Variants in TLCD2 observed in about 807,000 individuals in gnomAD.
TLCD2 encodes the protein TLC domain-containing protein 2.
In TLCD2, 12 loss-of-function variants were observed where a neutral mutation model predicts 14.0. The ratio of observed to expected loss-of-function variants is 0.86; its 90% CI spans 0.55 to 1.39. TLCD2 has a LOEUF of 1.39. TLCD2 is among the 40% of genes most tolerant of loss of function. The pLI, the probability that TLCD2 is intolerant of heterozygous loss-of-function variation, is 0.00. For synonymous variants in TLCD2, 166 were observed against 156.5 expected (o/e 1.06, Z -0.45); for missense variants, 360 against 346.8 (o/e 1.04, Z -0.30).
In TLCD2 at chr17:1,708,187, G is replaced by A. The variant is rs1255173671; in HGVS notation, c.378C>T (p.Gly126=). 68 of 1,535,720 alleles carry A rather than the reference G, an allele frequency of 4.4e-5. No individual in the cohort carries two copies. The highest frequency in any genetic ancestry group is 4.2e-4 in the South Asian group (35 of 83,976). Residue 126 remains glycine, a synonymous_variant, in exon 4 of 4, where the codon GGC becomes GGT. Coordinates refer to ENST00000330676, the MANE Select transcript of TLCD2 (RefSeq NM_001164407.2). ...ACACCATGGAGAAGCCCACGTAGTGGCCAGACAGAACAGCGGTGCTGAGGC... is the reference window on the plus strand; with the variant it reads ...ACACCATGGAGAAGCCCACGTAGTGACCAGACAGAACAGCGGTGCTGAGGC... The part of the protein sequence containing the change: ...VSCLSTAVLS[G]HYVGFSMVSL...
At position 1,710,250 on chromosome 17, in the gene TLCD2, C is replaced by T. The variant is rs1914186420; in HGVS notation, c.-8G>A. The T allele has an allele frequency of 2.0e-6, 3 of 1,517,272 alleles. No individual in the cohort carries two copies. The highest frequency in any genetic ancestry group is 2.6e-5 in the East Asian group (1 of 39,206). 94.0% of individuals were successfully genotyped at this position (1,517,272 alleles called of 1,614,324 possible). A position where few individuals can be genotyped will look rare whatever the true frequency, so the allele number is the denominator to read the frequency against. On this transcript the variant is annotated 5_prime_UTR_variant, in exon 1 of 4. Coordinates refer to ENST00000330676, the MANE Select transcript of TLCD2 (RefSeq NM_001164407.2). This position sits in a 1 kb window ranked among gnomAD's most constrained non-coding sequence, Gnocchi z 6.1. Reference sequence around the variant, plus strand: ...GAGCCCCGTGGGCGCCATGGCCTGGCGGTTGGGGGGTTGCGGGGAGTCCGG... The same window carrying T: ...GAGCCCCGTGGGCGCCATGGCCTGGTGGTTGGGGGGTTGCGGGGAGTCCGG...
In TLCD2 at chr17:1,705,031, CCTT is replaced by C. The variant is rs1261620142; in HGVS notation, c.*2736_*2738del. 2 of 152,100 alleles carry C rather than the reference CCTT, an allele frequency of 1.3e-5. No homozygotes were observed. The highest frequency in any genetic ancestry group is 2.1e-4 in the South Asian group (1 of 4,824). The allele number at this position is 152,100 out of a possible 1,614,324, so 9.4% of individuals were successfully genotyped here. ...TATTTAAATTGTTCTGTGCTCTCCT[CCTT>C]TTTTTTCTCTCTGTGATTCTCTTTG... On this transcript the variant is annotated 3_prime_UTR_variant, in exon 4 of 4. Coordinates refer to ENST00000330676, the MANE Select transcript of TLCD2 (RefSeq NM_001164407.2).
chr17:1,707,849 T>TCATGG lies in TLCD2; in HGVS notation c.711_715dup (p.Glu239AlafsTer26). On this transcript the variant is annotated frameshift_variant, in exon 4 of 4. Coordinates refer to ENST00000330676, the MANE Select transcript of TLCD2 (RefSeq NM_001164407.2). LOFTEE classifies it low-confidence loss of function (END_TRUNC). ...ACGTGTCCTGGTCCCCCTGGTTTTC[T>TCATGG]CATGGCCAGGGCTGGGTGGATGGGG... 2.0e-6 allele frequency: 3 copies of TCATGG among 1,536,352 alleles called. No individual in the cohort carries two copies. Among genetic ancestry groups the TCATGG allele is most frequent in the Non-Finnish European group, 2.6e-6 (3 of 1,146,414 alleles).
intron 3 of TLCD2, 98 bp from the exon 4 acceptor site, chr17:1,708,320 T>C (rs1743093096): frequency 1.1e-6 from 1 of 945,426 alleles, no homozygotes; most frequent in Admixed American, 2.9e-5. Flanking sequence ...ACGCAGTCTG[T>C]GGGGCTCCCC....
Position 1,707,834 on chromosome 17 carries a change from G to C in TLCD2, c.731C>G (p.Thr244Ser). The change falls in exon 4 of 4, where the codon ACC becomes AGC. Residue 244 changes from threonine to serine, a missense_variant. By Grantham distance (58) the Thr-to-Ser change is moderately conservative. Coordinates refer to ENST00000330676, the MANE Select transcript of TLCD2 (RefSeq NM_001164407.2). The part of the protein sequence containing the change: ...PSPGHEKTRG[T>S]RTRRDNGPVT... ...AGGTCCATTGTCACGACGTGTCCTG[G>C]TCCCCCTGGTTTTCTCATGGCCAGG... The C allele has an allele frequency of 6.5e-7, 1 of 1,534,468 alleles. No individual in the cohort carries two copies. The highest frequency in any genetic ancestry group is 1.4e-5 in the African/African-American group (1 of 73,116).
chr17:1,710,065 AC>A lies in TLCD2; in HGVS notation c.176+1del. The A allele has an allele frequency of 6.5e-7, 1 of 1,532,268 alleles. No homozygotes were observed. The highest frequency in any genetic ancestry group is 8.7e-7 in the Non-Finnish European group (1 of 1,146,032). The allele number at this position is 1,532,268 out of a possible 1,614,324, so 94.9% of individuals were successfully genotyped here. ...GTGCGCCTCGAGCCCCCAAGCCCGC[AC>A]CCGAGCAGCGCCCCGGTCCCCGAGA... On this transcript the variant is annotated splice_donor_variant, in intron 1 of 3. Transcript: ENST00000330676. LOFTEE classifies it high-confidence loss of function. The surrounding 1 kb of genome is among the most constrained non-coding windows in gnomAD (Gnocchi z 6.1).
In TLCD2 at chr17:1,709,593, G is replaced by A; in HGVS notation, c.260-12C>T. The stretch of plus-strand genomic sequence containing the variant: ...TGCCAGGAAGTAACCTGTGGGCATG[G>A]GGGTAGGGGTTAGGCTGCTCCAGAG... On this transcript the variant is annotated splice_polypyrimidine_tract_variant and intron_variant, in intron 2 of 3. Transcript: ENST00000330676. 6.5e-7 allele frequency: 1 copy of A among 1,536,690 alleles called. No individual in the cohort carries two copies. The highest frequency in any genetic ancestry group is 2.4e-5 in the East Asian group (1 of 40,906).
At chr17:1,708,274 T>C (rs770698056) in intron 3 of TLCD2, 52 bp from the exon 4 acceptor site, 33 of 1,392,654 alleles carry the variant, frequency 2.4e-5, no homozygotes, top group African/African-American at 4.3e-5. Context: ...CCAGCCATCA[T>C]GTCCCAATAA....
At position 1,707,345 on chromosome 17, in the gene TLCD2, T is replaced by A. The variant is rs558128148; in HGVS notation, c.*425A>T. 4 of 171,452 alleles carry A rather than the reference T, an allele frequency of 2.3e-5. No individual in the cohort carries two copies. Among genetic ancestry groups the A allele is most frequent in the Non-Finnish European group, 4.9e-5 (4 of 81,300 alleles). The allele number at this position is 171,452 out of a possible 1,614,324, so 10.6% of individuals were successfully genotyped here. A position where few individuals can be genotyped will look rare whatever the true frequency, so the allele number is the denominator to read the frequency against. ...TGCCAGAATTTGGTTATAGGTGAGA[T>A]CTCTTTTCTCTCTGTCCCCACCCGC... On this transcript the variant is annotated 3_prime_UTR_variant, in exon 4 of 4. Coordinates refer to ENST00000330676, the MANE Select transcript of TLCD2 (RefSeq NM_001164407.2).
At chr17:1,708,541 C>T (rs1431040726) in intron 3 of TLCD2, among the ~76,000 whole-genome samples, 5 of 132,162 alleles carry the variant, frequency 3.8e-5, no homozygotes, top group Admixed American at 1.8e-4. Context: ...GGCTGGAGTG[C>T]AGTGGTGTGA....
In TLCD2 at chr17:1,704,459, C is replaced by G. The variant is rs1043369429; in HGVS notation, c.*3311G>C. 6.6e-6 allele frequency: 1 copy of G among 151,974 alleles called. No individual in the cohort carries two copies. Among genetic ancestry groups the G allele is most frequent in the Non-Finnish European group, 1.5e-5 (1 of 68,006 alleles). 9.4% of individuals were successfully genotyped at this position (151,974 alleles called of 1,614,324 possible). ...AATTCTGCATTGTTTCTCTAGCTCACTATCTATACCTTTGCCTCTTGGGTT... is the reference window on the plus strand; with the variant it reads ...AATTCTGCATTGTTTCTCTAGCTCAGTATCTATACCTTTGCCTCTTGGGTT... On this transcript the variant is annotated 3_prime_UTR_variant, in exon 4 of 4. Transcript: ENST00000330676.
At position 1,703,958 on chromosome 17, in the gene TLCD2, C is replaced by T. The variant is rs1285399337; in HGVS notation, c.*3812G>A. 7 of 150,518 alleles carry T rather than the reference C, an allele frequency of 4.7e-5. No homozygotes were observed. The highest frequency in any genetic ancestry group is 1.0e-4 in the Non-Finnish European group (7 of 67,830). 9.3% of individuals were successfully genotyped at this position (150,518 alleles called of 1,614,324 possible). A position where few individuals can be genotyped will look rare whatever the true frequency, so the allele number is the denominator to read the frequency against. Reference sequence around the variant, plus strand: ...ATTTTTTTTTGGCCGGGTGTGTTGGCTCACGCATATAATCCCAGTAGTTTG... The same window carrying T: ...ATTTTTTTTTGGCCGGGTGTGTTGGTTCACGCATATAATCCCAGTAGTTTG... On this transcript the variant is annotated 3_prime_UTR_variant, in exon 4 of 4. Transcript: ENST00000330676.
rs1303733882 is a variant in TLCD2 at position 1,709,877 on chromosome 17, C to G, written c.186G>C (p.Leu62=). Reference sequence around the variant, plus strand: ...TGGGGTCGGCGGCCATCTGAGGGTACAGTGACAGGCTGGGGGCATGGGGTG... The same window carrying G: ...TGGGGTCGGCGGCCATCTGAGGGTAGAGTGACAGGCTGGGGGCATGGGGTG... ...SGTGALLGLS[L]YPQMAADPIH... is the part of the protein sequence containing the mutation. The change falls in exon 2 of 4, where the codon CTG becomes CTC. Residue 62 remains leucine, a synonymous_variant. Coordinates refer to ENST00000330676, the MANE Select transcript of TLCD2 (RefSeq NM_001164407.2). The G allele has an allele frequency of 5.2e-6, 8 of 1,529,962 alleles. No individual in the cohort carries two copies. The highest frequency in any genetic ancestry group is 7.0e-6 in the Non-Finnish European group (8 of 1,143,070). The allele number at this position is 1,529,962 out of a possible 1,614,324, so 94.8% of individuals were successfully genotyped here. A position where few individuals can be genotyped will look rare whatever the true frequency, so the allele number is the denominator to read the frequency against.
In TLCD2 at chr17:1,708,084, C is replaced by T; in HGVS notation, c.481G>A (p.Ala161Thr). The change falls in exon 4 of 4, where the codon GCC becomes ACC. Residue 161 changes from alanine (A) to threonine (T), a missense_variant. Coordinates refer to ENST00000330676, the MANE Select transcript of TLCD2 (RefSeq NM_001164407.2). ...GAGGCCCAGCTGGTCACGCTGAAGG[C>T]CAGGGATGGGGCCTGGCGAGAAAGC... is the stretch of plus-strand genomic sequence containing the variant. ...LLLSRQAPSL[A>T]FSVTSWASLA... The T allele has an allele frequency of 1.3e-6, 2 of 1,537,192 alleles. No individual in the cohort carries two copies. Among genetic ancestry groups the T allele is most frequent in the East Asian group, 2.4e-5 (1 of 40,918 alleles).
rs55703430 is a variant in TLCD2, at chr17:1,706,773, CAAAAA to C, written c.*992_*996del. On this transcript the variant is annotated 3_prime_UTR_variant, in exon 4 of 4. Coordinates refer to ENST00000330676, the MANE Select transcript of TLCD2 (RefSeq NM_001164407.2). ...TGGGCAACAGAGCAAGAACTTGTCT[CAAAAA>C]AAAAAAAAAAAAAAGAAAAGAAAAA... The C allele has an allele frequency of 2.5e-5, 2 of 80,172 alleles. No homozygotes were observed. Among genetic ancestry groups the C allele is most frequent in the Admixed American group, 1.1e-4 (1 of 9,038 alleles). The allele number at this position is 80,172 out of a possible 1,614,324, so 5.0% of individuals were successfully genotyped here. A position where few individuals can be genotyped will look rare whatever the true frequency, so the allele number is the denominator to read the frequency against.
intron 3 of TLCD2, among the ~76,000 whole-genome samples, chr17:1,709,035 C>A (rs915420799): frequency 6.6e-6 from 1 of 152,140 alleles, no homozygotes; most frequent in Admixed American, 6.5e-5. Flanking sequence ...CTAACTCAGC[C>A]TAAGACTGGG....
In TLCD2 at chr17:1,710,279, G is replaced by T. The variant is rs772762481; in HGVS notation, c.-37C>A. The T allele has an allele frequency of 6.2e-6, 9 of 1,440,064 alleles. No homozygotes were observed. The South Asian group carries it at 1.3e-4, about 20-fold the overall frequency. 89.2% of individuals were successfully genotyped at this position (1,440,064 alleles called of 1,614,324 possible). On this transcript the variant is annotated 5_prime_UTR_variant, in exon 1 of 4. Coordinates refer to ENST00000330676, the MANE Select transcript of TLCD2 (RefSeq NM_001164407.2). The surrounding 1 kb of genome is among the most constrained non-coding windows in gnomAD (Gnocchi z 6.1). ...TGGGGGGTTGCGGGGAGTCCGGGTC[G>T]GTCCCCTCGGCGCCCGCGCTCTCGG...
rs1477741080 is a variant in TLCD2, at chr17:1,707,575, C to T, written c.*195G>A. 2 of 519,290 alleles carry T rather than the reference C, an allele frequency of 3.9e-6. No homozygotes were observed. Among genetic ancestry groups the T allele is most frequent in the Non-Finnish European group, 6.6e-6 (2 of 300,922 alleles). 32.2% of individuals were successfully genotyped at this position (519,290 alleles called of 1,614,324 possible). On this transcript the variant is annotated 3_prime_UTR_variant, in exon 4 of 4. Transcript: ENST00000330676. ...ATGACGGATTTCAGTGAACAGAAAC[C>T]CAGGTTCCCACCCATCCAACATCAG...
chr17:1,710,186 C>T lies in TLCD2; in HGVS notation c.57G>A (p.Leu19=). 6.5e-7 allele frequency: 1 copy of T among 1,530,698 alleles called. No individual in the cohort carries two copies. The highest frequency in any genetic ancestry group is 8.7e-7 in the Non-Finnish European group (1 of 1,145,170). The allele number at this position is 1,530,698 out of a possible 1,614,324, so 94.8% of individuals were successfully genotyped here. ...AGASFLAFRG[L]HWGLRRLPTP... ...TGGGCAGCCGCCGCAACCCCCAGTG[C>T]AGCCCCCGGAACGCGAGGAAGGAGG... The change falls in exon 1 of 4, where the codon CTG becomes CTA. Residue 19 remains leucine, a synonymous_variant. Coordinates refer to ENST00000330676, the MANE Select transcript of TLCD2 (RefSeq NM_001164407.2). This position sits in a 1 kb window ranked among gnomAD's most constrained non-coding sequence, Gnocchi z 6.1.
Sources: allele counts gnomAD v4.1 joint callset (sites outside exome capture counted in the v4.1 genomes callset), GRCh38; gene constraint gnomAD v4.1.1; non-coding constraint Gnocchi (gnomAD v3.1); transcripts MANE v1.5; gene names NCBI Gene and HGNC (gene_info 2026-07-23, HGNC 2026-07-21).